Variants in SMU1 observed in about 807,000 individuals in gnomAD.
SMU1 encodes the protein SMU1 DNA replication regulator and spliceosomal factor.
Under a neutral mutation model 62.0 loss-of-function variants are expected in SMU1, and 2 were observed. That is an observed-to-expected ratio of 0.03 (90% CI 0.01 to 0.10). SMU1 has a LOEUF of 0.10. Ranked by LOEUF, SMU1 falls within the 10% of genes least tolerant of loss-of-function variation. SMU1 has a pLI of 1.00. For synonymous variants in SMU1, 188 were observed against 212.4 expected (o/e 0.89, Z 1.00); for missense variants, 227 against 622.1 (o/e 0.36, Z 6.76).
chr9:33,066,632 C>G (rs1839423570), intron 4 of SMU1, among the ~76,000 whole-genome samples: 1 of 151,770 alleles, frequency 6.6e-6, no homozygotes, highest in Non-Finnish European at 1.5e-5. Context: ...ATGGTGAAAC[C>G]CCGTCTCTAC....
chr9:33,056,508 T>C lies in SMU1; in HGVS notation c.996-269A>G, dbSNP rs10971372. On this transcript the variant is annotated intron_variant, in intron 8 of 11. Coordinates refer to ENST00000397149, the MANE Select transcript of SMU1 (RefSeq NM_018225.3). ...CTCTAAAAAACAAGTTAGCAGGAGATTGAGATCAGTGGGTCTCAGCTGGGT... is the reference window on the plus strand; with the variant it reads ...CTCTAAAAAACAAGTTAGCAGGAGACTGAGATCAGTGGGTCTCAGCTGGGT... Among the ~76,000 whole-genome samples, 6 of 152,298 alleles carry C rather than the reference T, an allele frequency of 3.9e-5. No homozygotes were observed. In the East Asian group the frequency reaches 9.7e-4, roughly 25 times the overall value.
chr9:33,072,765 G>T (rs1839501022), intron 2 of SMU1, among the ~76,000 whole-genome samples: 2 of 147,848 alleles, frequency 1.4e-5, no homozygotes, highest in South Asian at 4.2e-4. Flanking sequence ...GGAGATGGAG[G>T]TTGCAGTGAG....
At chr9:33,069,585 G>A (rs1194096668) in intron 3 of SMU1, among the ~76,000 whole-genome samples, 1 of 152,168 alleles carries the variant, frequency 6.6e-6, no homozygotes, top group African/African-American at 2.4e-5. Flanking sequence ...CAGATCACCC[G>A]AGGTCAGGAG....
intron 2 of SMU1, 104 bp downstream of exon 2, chr9:33,073,492 T>C (rs1265550627): frequency 5.6e-6 from 4 of 718,202 alleles, no homozygotes; most frequent in South Asian, 1.8e-5. Flanking sequence ...TATGGGCTGA[T>C]GCAGCCCTAC....
In SMU1 at chr9:33,071,853, C is replaced by T; in HGVS notation, c.277G>A (p.Ala93Thr). The change falls in exon 3 of 12, where the codon GCC becomes ACC. Residue 93 changes from alanine (A) to threonine (T), a missense_variant. Physicochemically the swap from Ala to Thr is moderately conservative, Grantham distance 58 (BLOSUM62 0). Coordinates refer to ENST00000397149, the MANE Select transcript of SMU1 (RefSeq NM_018225.3). ...TCAGTCTGTCTCAAAAGTGACCTGG[C>T]AGCACCCAATTCACGGAGCTCTATC... is the stretch of plus-strand genomic sequence containing the variant. ...ELIELRELGA[A>T]RSLLRQTDPM... The T allele has an allele frequency of 6.3e-7, 1 of 1,592,420 alleles. No individual in the cohort carries two copies. Among genetic ancestry groups the T allele is most frequent in the South Asian group, 1.2e-5 (1 of 86,608 alleles).
chr9:33,042,322 C>T lies in SMU1; in HGVS notation c.*4971G>A, dbSNP rs1429394471. The T allele has an allele frequency of 3.3e-5, 5 of 152,752 alleles. No homozygotes were observed. The highest frequency in any genetic ancestry group is 7.2e-5 in the African/African-American group (3 of 41,418). 9.5% of individuals were successfully genotyped at this position (152,752 alleles called of 1,614,324 possible). A position where few individuals can be genotyped will look rare whatever the true frequency, so the allele number is the denominator to read the frequency against. ...TATGTAAGCAGCCATATTTAATTCT[C>T]AGAACAATGTAATGAGGGAGAGCCT... On this transcript the variant is annotated 3_prime_UTR_variant, in exon 12 of 12. Coordinates refer to ENST00000397149, the MANE Select transcript of SMU1 (RefSeq NM_018225.3).
chr9:33,064,655 TAG>T (rs1338614389), intron 4 of SMU1, among the ~76,000 whole-genome samples: 2 of 152,200 alleles, frequency 1.3e-5, no homozygotes, highest in Admixed American at 6.5e-5. Context: ...ATGCAAATTA[TAG>T]GTCTTTATTA....
rs77414739 is a variant in SMU1 at position 33,049,913 on chromosome 9, G to A, written c.1291-1655C>T. ...TGATCATGCCACTGCACTCCAGCCT[G>A]GGCAATGGAGCAAGACCCTGCCTCA... On this transcript the variant is annotated intron_variant, in intron 10 of 11. Coordinates refer to ENST00000397149, the MANE Select transcript of SMU1 (RefSeq NM_018225.3). Among the ~76,000 whole-genome samples the A allele has an allele frequency of 6.1e-3, 935 of 152,190 alleles. 11 individuals carry two copies. Among genetic ancestry groups the A allele is most frequent in the Admixed American group, 0.01 (154 of 15,284 alleles).
At chr9:33,060,686 T>C (rs1169440347) in intron 5 of SMU1, 102 bp from the exon 6 acceptor site, 8 of 1,457,786 alleles carry the variant, frequency 5.5e-6, no homozygotes, top group African/African-American at 1.4e-5. Context: ...CATAAAGTCA[T>C]AGCTGGCCCA....
At chr9:33,059,815 T>C (rs1005861425) in intron 6 of SMU1, among the ~76,000 whole-genome samples, 1 of 151,778 alleles carries the variant, frequency 6.6e-6, no homozygotes, top group African/African-American at 2.4e-5. Context: ...TTTCACCATG[T>C]TGGCCAGGCT....
At chr9:33,070,207 T>C (rs1839471448) in intron 3 of SMU1, among the ~76,000 whole-genome samples, 1 of 152,070 alleles carries the variant, frequency 6.6e-6, no homozygotes, top group Non-Finnish European at 1.5e-5. Context: ...AATCCAATGT[T>C]AAAAATGGGT....
intron 1 of SMU1, among the ~76,000 whole-genome samples, chr9:33,074,770 C>CTTT (rs1564026179): frequency 1.5e-5 from 2 of 137,040 alleles, no homozygotes; most frequent in East Asian, 2.1e-4. Flanking sequence ...AGCAAACATC[C>CTTT]TCTTTTTTTT....
At chr9:33,064,702 A>G (rs1839400109) in intron 4 of SMU1, among the ~76,000 whole-genome samples, 1 of 150,616 alleles carries the variant, frequency 6.6e-6, no homozygotes. Flanking sequence ...TGCTCTCAAC[A>G]TTCTTCCTTT....
intron 5 of SMU1, among the ~76,000 whole-genome samples, chr9:33,061,181 A>T (rs1360012725): frequency 2.0e-5 from 3 of 152,202 alleles, no homozygotes; most frequent in African/African-American, 7.2e-5. Flanking sequence ...TAACAGATGA[A>T]AACTACAGAA....
chr9:33,052,477 T>A (rs1409886172), intron 10 of SMU1, among the ~76,000 whole-genome samples: 1 of 152,140 alleles, frequency 6.6e-6, no homozygotes, highest in East Asian at 1.9e-4. Flanking sequence ...TACTACTCCA[T>A]CAGTTACAGA....
intron 2 of SMU1, 49 bp downstream of exon 2, chr9:33,073,547 G>A (rs753653689): frequency 2.1e-6 from 3 of 1,407,770 alleles, no homozygotes; most frequent in Non-Finnish European, 3.0e-6. Flanking sequence ...TTGGGGAGCT[G>A]GCCCACAACG....
At chr9:33,073,150 C>A (rs1839506176) in intron 2 of SMU1, among the ~76,000 whole-genome samples, 1 of 152,068 alleles carries the variant, frequency 6.6e-6, no homozygotes, top group African/African-American at 2.4e-5. Flanking sequence ...TAATCCCAGC[C>A]CTTTGGAAAG....
chr9:33,051,994 G>A (rs1839255689), intron 10 of SMU1, among the ~76,000 whole-genome samples: 1 of 144,748 alleles, frequency 6.9e-6, no homozygotes, highest in South Asian at 2.2e-4. Context: ...TTCAGCCTGG[G>A]CAACAAGAGC....
chr9:33,074,643 G>A (rs1839524261), intron 1 of SMU1, among the ~76,000 whole-genome samples: 1 of 152,000 alleles, frequency 6.6e-6, no homozygotes, highest in Admixed American at 6.6e-5. Flanking sequence ...TATGAGGTAA[G>A]TTTACTTTTA....
Sources: gnomAD v4.1 joint callset for allele counts (sites outside exome capture counted in the v4.1 genomes callset) on GRCh38, gnomAD v4.1.1 for gene constraint, MANE v1.5 for transcripts, NCBI Gene and HGNC (gene_info 2026-07-23, HGNC 2026-07-21) for gene names.